The following SGCZ variants were observed in gnomAD, a reference collection of about 807,000 sequenced individuals.
SGCZ encodes sarcoglycan zeta, also known as zeta-sarcoglycan.
In SGCZ, 40 loss-of-function variants were observed where a neutral mutation model predicts 41.3. The ratio of observed to expected loss-of-function variants is 0.97; its 90% CI spans 0.75 to 1.26. SGCZ has a LOEUF of 1.26. Ranked by LOEUF, SGCZ falls within the 50% of genes most tolerant of loss-of-function variation. SGCZ has a pLI of 0.00. For synonymous variants in SGCZ, 206 were observed against 137.5 expected, an observed-to-expected ratio of 1.50 and a Z score of -3.49; for missense variants, 552 against 369.8, an observed-to-expected ratio of 1.49 and a Z score of -4.04.
At chr8:14,509,672 C>T (rs146434080) in intron 2 of SGCZ, among the ~76,000 whole-genome samples, 50 of 152,202 alleles carry the variant, frequency 3.3e-4, no homozygotes, top group African/African-American at 1.0e-3. Flanking sequence ...TTCTTAATGC[C>T]TGTATTTGTC....
At chr8:15,039,996 C>CA (rs534362519) in intron 1 of SGCZ, among the ~76,000 whole-genome samples, 147 of 152,000 alleles carry the variant, frequency 9.7e-4, no homozygotes, top group African/African-American at 3.0e-3. Flanking sequence ...ATTTAATTTG[C>CA]AAAAAAAGTT....
intron 1 of SGCZ, among the ~76,000 whole-genome samples, chr8:14,807,306 G>A (rs1196832874): frequency 2.0e-5 from 3 of 152,064 alleles, no homozygotes; most frequent in Admixed American, 6.6e-5. Flanking sequence ...GTTTGCAGAC[G>A]ACATGATTGT....
intron 1 of SGCZ, among the ~76,000 whole-genome samples, chr8:14,793,282 C>G (rs1360611432): frequency 6.6e-6 from 1 of 152,204 alleles, no homozygotes; most frequent in African/African-American, 2.4e-5. Flanking sequence ...AGCCTTGTAA[C>G]AGATGTCCCT....
intron 1 of SGCZ, among the ~76,000 whole-genome samples, chr8:14,860,261 C>A (rs1766604628): frequency 6.6e-6 from 1 of 151,834 alleles, no homozygotes; most frequent in South Asian, 2.1e-4. Context: ...CAGATACTGC[C>A]TGGATTTCTA....
chr8:14,271,070 A>T (rs1000715220), intron 3 of SGCZ, among the ~76,000 whole-genome samples: 1 of 152,158 alleles, frequency 6.6e-6, no homozygotes, highest in African/African-American at 2.4e-5. Flanking sequence ...GCGGGGAGGG[A>T]TAGCATTAGG....
chr8:14,912,964 C>G (rs1020597588), intron 1 of SGCZ, among the ~76,000 whole-genome samples: 1 of 151,900 alleles, frequency 6.6e-6, no homozygotes, highest in Non-Finnish European at 1.5e-5. Context: ...TTTAATCATT[C>G]TTGTTTGGTT....
At chr8:14,298,366 G>C (rs1718610710) in intron 3 of SGCZ, among the ~76,000 whole-genome samples, 1 of 151,712 alleles carries the variant, frequency 6.6e-6, no homozygotes. Flanking sequence ...CATGACTAAA[G>C]AAGAATAAAA....
intron 1 of SGCZ, among the ~76,000 whole-genome samples, chr8:14,765,993 C>T (rs1184066898): frequency 2.1e-5 from 3 of 142,712 alleles, no homozygotes; most frequent in Non-Finnish European, 4.5e-5. Flanking sequence ...TTAACAGAGG[C>T]TGACTGTCGA....
intron 1 of SGCZ, among the ~76,000 whole-genome samples, chr8:14,734,196 G>A (rs534778263): frequency 2.6e-5 from 4 of 152,154 alleles, no homozygotes; most frequent in South Asian, 2.1e-4. Flanking sequence ...TCTGGCAGCT[G>A]GCCGAAAAAG....
intron 4 of SGCZ, among the ~76,000 whole-genome samples, chr8:14,235,054 T>G (rs13275341): frequency 0.96 from 146,507 of 152,270 alleles, 70,548 homozygotes; most frequent in East Asian, 1. Context: ...TCCCTACCGT[T>G]TGTAGACACT....
At chr8:14,118,326 G>A (rs1802587945) in intron 5 of SGCZ, among the ~76,000 whole-genome samples, 1 of 152,106 alleles carries the variant, frequency 6.6e-6, no homozygotes, top group Non-Finnish European at 1.5e-5. Flanking sequence ...GACCAGTGAT[G>A]GTGAGGTGTT....
intron 2 of SGCZ, among the ~76,000 whole-genome samples, chr8:14,513,474 G>C (rs934861874): frequency 1.0e-5 from 1 of 98,532 alleles, no homozygotes; most frequent in African/African-American, 4.5e-5. Context: ...TATACTTCAG[G>C]TTATTTTAGA....
chr8:15,062,945 A>C (rs976714590), intron 1 of SGCZ, among the ~76,000 whole-genome samples: 7 of 152,156 alleles, frequency 4.6e-5, no homozygotes, highest in Admixed American at 6.5e-5. Context: ...GCCTAGTAGG[A>C]GTTCTCAGAA....
In SGCZ at chr8:14,983,803, G is replaced by C. The variant is rs138854496; in HGVS notation, c.39+253782C>G. On this transcript the variant is annotated intron_variant, in intron 1 of 7. Coordinates refer to ENST00000382080, the MANE Select transcript of SGCZ (RefSeq NM_139167.4). ...TGGGCCCTGGTTTTCTACTGCCTGAGCTCCTCCATATTTTACTATATCATA... is the reference window on the plus strand; with the variant it reads ...TGGGCCCTGGTTTTCTACTGCCTGACCTCCTCCATATTTTACTATATCATA... Among the ~76,000 whole-genome samples the C allele has an allele frequency of 3.2e-3, 486 of 152,176 alleles. 4 individuals carry two copies. Among genetic ancestry groups the C allele is most frequent in the African/African-American group, 0.011 (476 of 41,518 alleles).
At chr8:14,376,486 A>C (rs1241277569) in intron 2 of SGCZ, among the ~76,000 whole-genome samples, 1 of 152,164 alleles carries the variant, frequency 6.6e-6, no homozygotes, top group African/African-American at 2.4e-5. Flanking sequence ...TCATGAAATT[A>C]ACTTCTTCAT....
At chr8:14,512,530 A>C (rs762346896) in intron 2 of SGCZ, among the ~76,000 whole-genome samples, 4 of 151,812 alleles carry the variant, frequency 2.6e-5, no homozygotes, top group Non-Finnish European at 4.4e-5. Context: ...GCAGGACGAT[A>C]GCTGACTGCA....
rs556682979 is a variant in SGCZ, at chr8:14,348,372, G to C, written c.235-24168C>G. Among the ~76,000 whole-genome samples the C allele has an allele frequency of 7.6e-4, 116 of 152,132 alleles. 1 individual carries two copies. The highest frequency in any genetic ancestry group is 6.2e-3 in the South Asian group (30 of 4,826). On this transcript the variant is annotated intron_variant, in intron 2 of 7. Transcript: ENST00000382080. ...CCTTTCACCACACCTCACTTCTTGT[G>C]TCCCTGGCTTTTCGAGCAGTGAGCA...
intron 1 of SGCZ, among the ~76,000 whole-genome samples, chr8:14,794,547 A>G (rs939180638): frequency 1.3e-5 from 2 of 152,218 alleles, no homozygotes. Context: ...AAAAGACTGT[A>G]CAAAATAAGA....
intron 1 of SGCZ, among the ~76,000 whole-genome samples, chr8:15,095,098 TTTATC>T (rs1156410563): frequency 1.3e-5 from 2 of 152,138 alleles, no homozygotes; most frequent in Non-Finnish European, 2.9e-5. Context: ...AACATTTTAT[TTTATC>T]TTATTTTTTT....
Sources: allele counts gnomAD v4.1 joint callset (sites outside exome capture counted in the v4.1 genomes callset), GRCh38; gene constraint gnomAD v4.1.1; transcripts MANE v1.5; gene names NCBI Gene and HGNC (gene_info 2026-07-23, HGNC 2026-07-21).